The following RPS6KA2 variants were observed in gnomAD, a reference collection of about 807,000 sequenced individuals.
RPS6KA2 encodes the protein ribosomal protein S6 kinase alpha-2.
A neutral mutation model predicts 91.8 loss-of-function variants in RPS6KA2; 42 were observed. That is an observed-to-expected ratio of 0.46 (90% CI 0.36 to 0.59). RPS6KA2 has a LOEUF of 0.59. Among genes scored for constraint, RPS6KA2 ranks in the 20% least tolerant of loss-of-function variants. The pLI is 0.00. For synonymous variants in RPS6KA2, 414 were observed against 393.6 expected, an observed-to-expected ratio of 1.05 and a Z score of -0.61; for missense variants, 798 against 978.5, an observed-to-expected ratio of 0.82 and a Z score of 2.46.
intron 8 of RPS6KA2, among the ~76,000 whole-genome samples, chr6:166,497,795 G>A (rs571814073): frequency 2.0e-5 from 3 of 152,322 alleles, no homozygotes; most frequent in African/African-American, 4.8e-5. Flanking sequence ...CCTTCATCCC[G>A]TCTCCTAAAG....
Position 166,733,883 on chromosome 6 carries a change from G to T in RPS6KA2, c.123+124317C>A, listed in dbSNP as rs148403062. On this transcript the variant is annotated intron_variant, in intron 2 of 21. Coordinates refer to the RPS6KA2 transcript ENST00000503859. This position sits in a 1 kb window ranked among gnomAD's most constrained non-coding sequence, Gnocchi z 4.1. ...TGAACAGAGTAAACCAATAGAAAGA[G>T]AAATGGTAAAATGAAAAACTGAGAT... Among the ~76,000 whole-genome samples, 4 of 152,362 alleles carry T rather than the reference G, an allele frequency of 2.6e-5. No individual in the cohort carries two copies. Among genetic ancestry groups the T allele is most frequent in the East Asian group, 3.9e-4 (2 of 5,188 alleles).
At chr6:166,689,355 G>A (rs2128570356) in intron 2 of RPS6KA2, among the ~76,000 whole-genome samples, 1 of 152,372 alleles carries the variant, frequency 6.6e-6, no homozygotes, top group South Asian at 2.1e-4. Context: ...AGAACTCTCT[G>A]CACACAGGCA....
chr6:166,466,950 A>C (rs1480657493), intron 11 of RPS6KA2, among the ~76,000 whole-genome samples: 1 of 150,326 alleles, frequency 6.7e-6, no homozygotes, highest in Non-Finnish European at 1.5e-5. Context: ...TCACTCATTA[A>C]CTCACTCCCT....
At chr6:166,857,447 A>G (rs1021016924) in intron 2 of RPS6KA2, among the ~76,000 whole-genome samples, 1 of 152,084 alleles carries the variant, frequency 6.6e-6, no homozygotes, top group Non-Finnish European at 1.5e-5. Flanking sequence ...CTTCCAATTT[A>G]CCTCTTTGCT....
chr6:166,675,590 T>A (rs1053348257), intron 2 of RPS6KA2, among the ~76,000 whole-genome samples: 2 of 151,738 alleles, frequency 1.3e-5, no homozygotes, highest in African/African-American at 2.4e-5. Context: ...ATGGACAACA[T>A]GCAGGCTCCT....
intron 2 of RPS6KA2, among the ~76,000 whole-genome samples, chr6:166,785,500 G>A (rs762167555): frequency 5.1e-4 from 78 of 152,236 alleles, no homozygotes; most frequent in Non-Finnish European, 1.0e-3. Context: ...GAAAACACCT[G>A]AAAGATAGCG....
intron 1 of RPS6KA2, among the ~76,000 whole-genome samples, chr6:166,607,140 CAAA>C (rs35281961): frequency 6.1e-5 from 6 of 97,850 alleles, no homozygotes; most frequent in African/African-American, 1.2e-4. Flanking sequence ...AAAACTCCGT[CAAA>C]AAAAAAAAAA....
intron 2 of RPS6KA2, among the ~76,000 whole-genome samples, chr6:166,843,274 G>A (rs574418859): frequency 2.0e-5 from 3 of 152,076 alleles, no homozygotes; most frequent in African/African-American, 7.2e-5. Flanking sequence ...GTCCCACCTG[G>A]GGGTCTTTCT....
intron 2 of RPS6KA2, among the ~76,000 whole-genome samples, chr6:166,669,466 G>A (rs1054510838): frequency 3.3e-5 from 5 of 151,902 alleles, no homozygotes; most frequent in Non-Finnish European, 5.9e-5. Context: ...CCTCACCCTC[G>A]CCTCTGTTGG....
At chr6:166,765,642 T>C (rs915834557) in intron 2 of RPS6KA2, among the ~76,000 whole-genome samples, 2 of 152,208 alleles carry the variant, frequency 1.3e-5, no homozygotes, top group South Asian at 2.1e-4. Flanking sequence ...TAAAGTGGTG[T>C]AGAAGGTGTA....
At chr6:166,523,878 T>C (rs988078905) in intron 3 of RPS6KA2, among the ~76,000 whole-genome samples, 1 of 152,208 alleles carries the variant, frequency 6.6e-6, no homozygotes, top group African/African-American at 2.4e-5. Flanking sequence ...GAGGAGGTTC[T>C]ATTTCAAGAT....
intron 1 of RPS6KA2, among the ~76,000 whole-genome samples, chr6:166,861,404 T>C (rs1279482773): frequency 6.6e-6 from 1 of 152,172 alleles, no homozygotes; most frequent in African/African-American, 2.4e-5. Flanking sequence ...CTTTCTCTTC[T>C]AGGAAAATGT....
chr6:166,461,622 C>A (rs2281049), intron 11 of RPS6KA2, among the ~76,000 whole-genome samples: 22,942 of 149,256 alleles, frequency 0.15, 2,041 homozygotes, highest in Middle Eastern at 0.26. Context: ...AGAGAGAGAG[C>A]ACGCACTAGC....
chr6:166,599,013 C>T (rs1785638705), intron 1 of RPS6KA2, among the ~76,000 whole-genome samples: 1 of 152,182 alleles, frequency 6.6e-6, no homozygotes, highest in South Asian at 2.1e-4. Context: ...TAACTATTGT[C>T]CCAGGTTCGG....
intron 10 of RPS6KA2, among the ~76,000 whole-genome samples, chr6:166,476,048 G>A (rs886130042): frequency 3.9e-5 from 6 of 152,166 alleles, no homozygotes; most frequent in African/African-American, 1.2e-4. Context: ...GGTCACTGCA[G>A]GTATAATGAG....
chr6:166,565,163 G>A (rs373296838), intron 1 of RPS6KA2, among the ~76,000 whole-genome samples: 57 of 152,100 alleles, frequency 3.7e-4, no homozygotes, highest in African/African-American at 1.3e-3. Flanking sequence ...GCCAGTGCTC[G>A]GCCTCTGCTA....
intron 13 of RPS6KA2, among the ~76,000 whole-genome samples, chr6:166,450,886 C>T (rs1278659241): frequency 6.6e-6 from 1 of 152,008 alleles, no homozygotes; most frequent in African/African-American, 2.4e-5. Flanking sequence ...AGGAGCACCA[C>T]GTGAGATCAT....
chr6:166,456,456 G>C (rs1374323530), intron 12 of RPS6KA2, among the ~76,000 whole-genome samples: 4 of 152,208 alleles, frequency 2.6e-5, no homozygotes, highest in Non-Finnish European at 4.4e-5. Flanking sequence ...GGTATTTCCT[G>C]ATTTGTGGAG....
rs180921375 is a variant in RPS6KA2, at chr6:166,649,588, G to A, written c.124-110804C>T. On this transcript the variant is annotated intron_variant, in intron 2 of 21. Coordinates refer to the RPS6KA2 transcript ENST00000503859. ...TTTCTGAGGCCAATGGTCTTTTAGGGGTAATGAAGAATTATTACTATGATA... is the reference window on the plus strand; with the variant it reads ...TTTCTGAGGCCAATGGTCTTTTAGGAGTAATGAAGAATTATTACTATGATA... 1.6e-3 allele frequency among the ~76,000 whole-genome samples: 236 copies of A among 152,190 alleles called. 1 individual carries two copies. The highest frequency in any genetic ancestry group is 7.5e-3 in the Admixed American group (114 of 15,290).
Sources: gnomAD v4.1 joint callset for allele counts (sites outside exome capture counted in the v4.1 genomes callset) on GRCh38, gnomAD v4.1.1 for gene constraint, Gnocchi (gnomAD v3.1) non-coding constraint, MANE v1.5 for transcripts, NCBI Gene and HGNC (gene_info 2026-07-23, HGNC 2026-07-21) for gene names.